ANKRD55: variants seen among roughly 807,000 people sequenced by gnomAD.
ANKRD55 encodes ankyrin repeat domain 55.
A neutral mutation model predicts 60.6 loss-of-function variants in ANKRD55; 41 were observed. The ratio of observed to expected loss-of-function variants is 0.68; its 90% CI spans 0.53 to 0.88. ANKRD55 has a LOEUF of 0.88. ANKRD55 is among the 40% of genes least tolerant of loss of function. The pLI, the probability that ANKRD55 is intolerant of heterozygous loss-of-function variation, is 0.00. For missense variants in ANKRD55, 732 were observed against 767.6 expected (o/e 0.95, Z 0.55); for synonymous variants, 264 against 290.3 (o/e 0.91, Z 0.92).
intron 5 of ANKRD55, among the ~76,000 whole-genome samples, chr5:56,162,447 C>G (rs1758355318): frequency 6.6e-6 from 1 of 152,182 alleles, no homozygotes; most frequent in Non-Finnish European, 1.5e-5. Flanking sequence ...AGCTCCCTTT[C>G]TGGCAATAAT....
chr5:56,208,505 A>G (rs1184294467), intron 2 of ANKRD55, among the ~76,000 whole-genome samples: 2 of 151,634 alleles, frequency 1.3e-5, no homozygotes, highest in East Asian at 3.9e-4. Flanking sequence ...GCTCACTGTA[A>G]CCTCCACCTC....
intron 2 of ANKRD55, among the ~76,000 whole-genome samples, chr5:56,185,566 G>A (rs1758949381): frequency 6.6e-6 from 1 of 151,950 alleles, no homozygotes; most frequent in Admixed American, 6.5e-5. Context: ...TACTCGGGAG[G>A]CTGGGGCAGG....
At chr5:56,217,685 G>A (rs891474346) in intron 2 of ANKRD55, among the ~76,000 whole-genome samples, 7 of 152,134 alleles carry the variant, frequency 4.6e-5, no homozygotes, top group Non-Finnish European at 2.9e-5. Context: ...ATGAAGTCAG[G>A]AGATTGAGAC....
Position 56,186,374 on chromosome 5 carries a change from C to T in ANKRD55, c.59-2740G>A, listed in dbSNP as rs138391601. Among the ~76,000 whole-genome samples, 527 of 152,114 alleles carry T rather than the reference C, an allele frequency of 3.5e-3. 2 individuals are homozygous for T. Among genetic ancestry groups the T allele is most frequent in the African/African-American group, 0.012 (507 of 41,502 alleles). ...GTAGAGATGGGGTTTTGCCATGTTG[C>T]CCAGGCTGGTCTCTAATGATCCTCC... On this transcript the variant is annotated intron_variant, in intron 2 of 11. Coordinates refer to ENST00000341048, the MANE Select transcript of ANKRD55 (RefSeq NM_024669.3).
rs145002697 is a variant in ANKRD55, at chr5:56,178,969, T to C, written c.182-2687A>G. Among the ~76,000 whole-genome samples the C allele has an allele frequency of 2.7e-3, 401 of 147,022 alleles. 3 individuals are homozygous for C. The highest frequency in any genetic ancestry group is 4.9e-3 in the South Asian group (23 of 4,686). On this transcript the variant is annotated intron_variant, in intron 3 of 11. Transcript: ENST00000341048. ...AAAGTATAAGTTGGGACAACCATTTTTGGGGATAAATGTGGCAACATTTAA... is the reference window on the plus strand; with the variant it reads ...AAAGTATAAGTTGGGACAACCATTTCTGGGGATAAATGTGGCAACATTTAA...
At chr5:56,157,927 G>A (rs1442501712) in intron 6 of ANKRD55, among the ~76,000 whole-genome samples, 1 of 152,044 alleles carries the variant, frequency 6.6e-6, no homozygotes, top group African/African-American at 2.4e-5. Context: ...TCCACCTGAC[G>A]AGAAACGTTC....
At chr5:56,186,721 T>C (rs1238491496) in intron 2 of ANKRD55, among the ~76,000 whole-genome samples, 1 of 152,196 alleles carries the variant, frequency 6.6e-6, no homozygotes, top group Non-Finnish European at 1.5e-5. Flanking sequence ...AAAAAGTCCA[T>C]ACATTGCACA....
chr5:56,139,757 T>A (rs1757704354), intron 7 of ANKRD55, among the ~76,000 whole-genome samples: 1 of 152,136 alleles, frequency 6.6e-6, no homozygotes, highest in Non-Finnish European at 1.5e-5. Context: ...GTCTTTGTGA[T>A]TTGTTGGAAG....
At chr5:56,112,458 A>G (rs321778) in intron 9 of ANKRD55, among the ~76,000 whole-genome samples, 30,943 of 144,408 alleles carry the variant, frequency 0.21, 3,837 homozygotes, top group Middle Eastern at 0.35. Context: ...CTTGATGTCA[A>G]GAGTTTGAGA....
chr5:56,155,756 G>A (rs1171835451), intron 6 of ANKRD55, among the ~76,000 whole-genome samples: 2 of 151,068 alleles, frequency 1.3e-5, no homozygotes, highest in Non-Finnish European at 2.9e-5. Context: ...TAGGTGAGAG[G>A]ATCACCTGAG....
rs144004041 is a variant in ANKRD55, at chr5:56,201,291, A to G, written c.59-17657T>C. Among the ~76,000 whole-genome samples, 14 of 152,278 alleles carry G rather than the reference A, an allele frequency of 9.2e-5. No individual in the cohort carries two copies. In the East Asian group the frequency reaches 2.3e-3, roughly 25 times the overall value. On this transcript the variant is annotated intron_variant, in intron 2 of 11. Coordinates refer to ENST00000341048, the MANE Select transcript of ANKRD55 (RefSeq NM_024669.3). ...CCTTACACTGCACCACGATGGCTTC[A>G]TGGGACAACATTGCCACCCACTGGT...
intron 7 of ANKRD55, among the ~76,000 whole-genome samples, chr5:56,131,742 G>A (rs1294757880): frequency 7.3e-6 from 1 of 137,120 alleles, no homozygotes; most frequent in African/African-American, 2.8e-5. Context: ...GTTGCAGTGA[G>A]CCGAGATCGC....
At chr5:56,173,326 T>C (rs1758650141) in intron 4 of ANKRD55, among the ~76,000 whole-genome samples, 1 of 152,030 alleles carries the variant, frequency 6.6e-6, no homozygotes, top group African/African-American at 2.4e-5. Flanking sequence ...GCTTCCCAAG[T>C]AGCTGGGACT....
chr5:56,119,361 T>G (rs1756973788), intron 8 of ANKRD55, among the ~76,000 whole-genome samples: 1 of 152,206 alleles, frequency 6.6e-6, no homozygotes, highest in African/African-American at 2.4e-5. Flanking sequence ...TATTTCCGCT[T>G]ACATGACCTT....
intron 10 of ANKRD55, among the ~76,000 whole-genome samples, chr5:56,103,943 A>T (rs893110438): frequency 2.0e-5 from 3 of 152,252 alleles, no homozygotes; most frequent in African/African-American, 4.8e-5. Flanking sequence ...ATGTTAGTTG[A>T]TGGAGATTAA....
chr5:56,228,721 G>A (rs943708333), intron 2 of ANKRD55, among the ~76,000 whole-genome samples: 2 of 152,078 alleles, frequency 1.3e-5, no homozygotes, highest in Admixed American at 6.6e-5. Flanking sequence ...CACTGCACCC[G>A]GCCTGCTGCT....
intron 6 of ANKRD55, among the ~76,000 whole-genome samples, chr5:56,158,133 A>G (rs1359458914): frequency 6.6e-6 from 1 of 151,844 alleles, no homozygotes; most frequent in African/African-American, 2.4e-5. Context: ...GTGAGCTGAG[A>G]TTGCACCACT....
chr5:56,105,843 A>G (rs1440753539), intron 10 of ANKRD55, among the ~76,000 whole-genome samples: 1 of 152,232 alleles, frequency 6.6e-6, no homozygotes, highest in Non-Finnish European at 1.5e-5. Flanking sequence ...AATTCTAGAG[A>G]AGGAAGCTCT....
At chr5:56,162,518 A>T (rs1269237397) in intron 5 of ANKRD55, among the ~76,000 whole-genome samples, 3 of 152,128 alleles carry the variant, frequency 2.0e-5, no homozygotes, top group Non-Finnish European at 2.9e-5. Flanking sequence ...CAGCTAAGCT[A>T]CCACTGCAGC....
Sources: allele counts gnomAD v4.1 joint callset (sites outside exome capture counted in the v4.1 genomes callset), GRCh38; gene constraint gnomAD v4.1.1; transcripts MANE v1.5; gene names NCBI Gene and HGNC (gene_info 2026-07-23, HGNC 2026-07-21).